Variants in PRKAR1B observed in about 807,000 individuals in gnomAD.
PRKAR1B encodes the protein protein kinase cAMP-dependent type I regulatory subunit beta.
PRKAR1B carries 22 observed loss-of-function variants against 46.5 expected under a neutral mutation model. The observed-to-expected ratio is 0.47, with a 90% CI of 0.34 to 0.68. PRKAR1B has a LOEUF of 0.68. Among genes scored for constraint, PRKAR1B ranks in the 30% least tolerant of loss-of-function variants. The probability of loss-of-function intolerance (pLI) is 0.01; values close to 1 mark genes in which losing one functional copy is unlikely to be tolerated. For missense variants in PRKAR1B, 445 were observed against 535.6 expected (o/e 0.83, Z 1.67); for synonymous variants, 259 against 217.7 (o/e 1.19, Z -1.67).
In PRKAR1B at chr7:725,070, T is replaced by G. The variant is rs184391387; in HGVS notation, c.-23+2140A>C. Among the ~76,000 whole-genome samples, 195 of 151,930 alleles carry G rather than the reference T, an allele frequency of 1.3e-3. 3 individuals are homozygous for G. The East Asian group carries it at 0.033, about 25-fold the overall frequency. On this transcript the variant is annotated intron_variant, in intron 1 of 10. Transcript: ENST00000537384. ...TCTACTAAAAATACAAAAAATTAGC[T>G]GGGCGTGGTCGTGGGCACCTGCAGT...
intron 1 of PRKAR1B, chr7:712,802 C>G (rs990799347): frequency 4.0e-5 from 6 of 151,444 alleles, no homozygotes; most frequent in African/African-American, 1.2e-4. Context: ...GGGCACCCCC[C>G]ACTCCCGCCC....
At chr7:700,667 T>A (rs1050120195) in intron 2 of PRKAR1B, among the ~76,000 whole-genome samples, 4 of 145,990 alleles carry the variant, frequency 2.7e-5, no homozygotes, top group East Asian at 2.0e-4. Flanking sequence ...CAAATTTATT[T>A]AAAAAAAAAA....
chr7:572,747 A>G (rs1302668142), intron 9 of PRKAR1B, among the ~76,000 whole-genome samples: 2 of 152,174 alleles, frequency 1.3e-5, no homozygotes, highest in Non-Finnish European at 2.9e-5. Flanking sequence ...GGTGGAGGGT[A>G]GGCGGGAGGA....
At chr7:626,008 C>CAAAA (rs71016892) in intron 4 of PRKAR1B, among the ~76,000 whole-genome samples, 2 of 110,544 alleles carry the variant, frequency 1.8e-5, no homozygotes, top group Non-Finnish European at 3.7e-5. Flanking sequence ...AACTCCATCT[C>CAAAA]AAAAAAAAAA....
rs1431535923 is a variant in PRKAR1B at position 711,469 on chromosome 7, C to T, written c.37G>A (p.Glu13Lys). The T allele has an allele frequency of 1.2e-6, 2 of 1,614,126 alleles. No individual in the cohort carries two copies. The highest frequency in any genetic ancestry group is 1.3e-5 in the African/African-American group (1 of 75,060). The change falls in exon 2 of 11, where the codon GAG becomes AAG. Residue 13 changes from glutamate to lysine, a missense_variant. Transcript: ENST00000537384. Reference protein sequence around the residue: ...SPPACPSEEDESLKGCELYVQ... With the variant: ...SPPACPSEEDKSLKGCELYVQ... ...TACAGCTCACAGCCCTTCAGGCTCT[C>T]GTCCTCCTCCGAGGGGCAGGCGGGC...
At chr7:696,888 AG>A (rs1013470454) in intron 2 of PRKAR1B, 2 of 152,484 alleles carry the variant, frequency 1.3e-5, no homozygotes, top group African/African-American at 4.8e-5. Flanking sequence ...GCCCCTCCCC[AG>A]GGCTGCATGG....
intron 4 of PRKAR1B, among the ~76,000 whole-genome samples, chr7:637,929 A>G (rs1459833981): frequency 6.6e-6 from 1 of 152,224 alleles, no homozygotes; most frequent in Non-Finnish European, 1.5e-5. Flanking sequence ...CATGGGGGGC[A>G]GCTCCGTGTG....
intron 1 of PRKAR1B, among the ~76,000 whole-genome samples, chr7:723,238 C>T (rs1169515637): frequency 6.6e-6 from 1 of 152,234 alleles, no homozygotes; most frequent in Non-Finnish European, 1.5e-5. Flanking sequence ...GCTTTAAAAT[C>T]GGCCCTGAAA....
chr7:562,774 G>C (rs1778882566), intron 9 of PRKAR1B, among the ~76,000 whole-genome samples: 1 of 152,146 alleles, frequency 6.6e-6, no homozygotes, highest in Non-Finnish European at 1.5e-5. Context: ...TTCCTCCCTG[G>C]ATCTTCTTTG....
In PRKAR1B at chr7:588,537, ATGG is replaced by A. The variant is rs754877528; in HGVS notation, c.709-3972_709-3970del. Among the ~76,000 whole-genome samples the A allele has an allele frequency of 3.9e-3, 205 of 52,638 alleles. 33 individuals carry two copies. The highest frequency in any genetic ancestry group is 8.1e-3 in the African/African-American group (119 of 14,730). The allele number at this position is 52,638 out of a possible 152,430, so 34.5% of individuals were successfully genotyped here. A position where few individuals can be genotyped will look rare whatever the true frequency, so the allele number is the denominator to read the frequency against. Reference sequence around the variant, plus strand: ...CACGATGATGGTGGTGACGGTGGTGATGGTGGTGACGGTGGTGATGGTGGTGAT... The same window carrying A: ...CACGATGATGGTGGTGACGGTGGTGATGGTGACGGTGGTGATGGTGGTGAT... On this transcript the variant is annotated intron_variant, in intron 7 of 10. Coordinates refer to ENST00000537384, the MANE Select transcript of PRKAR1B (RefSeq NM_001164760.2).
At chr7:670,552 G>T (rs1046157564) in intron 4 of PRKAR1B, among the ~76,000 whole-genome samples, 1 of 150,426 alleles carries the variant, frequency 6.6e-6, no homozygotes, top group Non-Finnish European at 1.5e-5. Flanking sequence ...GCATCCAGCA[G>T]AGGGGCTCAG....
chr7:639,229 G>C (rs1784271566), intron 4 of PRKAR1B, among the ~76,000 whole-genome samples: 1 of 152,176 alleles, frequency 6.6e-6, no homozygotes. Context: ...AATCAAGACG[G>C]TGGTGGTATT....
chr7:656,738 T>G (rs1387623238), intron 4 of PRKAR1B, among the ~76,000 whole-genome samples: 1 of 152,182 alleles, frequency 6.6e-6, no homozygotes, highest in African/African-American at 2.4e-5. Flanking sequence ...GATGTGTAAA[T>G]GCATGGATGG....
intron 1 of PRKAR1B, 61 bp downstream of exon 1, chr7:727,149 G>A: frequency 7.9e-7 from 1 of 1,262,788 alleles, no homozygotes; most frequent in South Asian, 2.2e-5. Context: ...AGCTGCGCCT[G>A]GCGCTTGTGC....
intron 9 of PRKAR1B, among the ~76,000 whole-genome samples, chr7:562,169 G>A (rs1039106281): frequency 1.3e-5 from 2 of 152,210 alleles, no homozygotes; most frequent in African/African-American, 4.8e-5. Context: ...CCGGCCATCT[G>A]TGTGGGAGTC....
chr7:597,228 T>A (rs189216896), intron 6 of PRKAR1B, among the ~76,000 whole-genome samples: 1 of 152,384 alleles, frequency 6.6e-6, no homozygotes, highest in East Asian at 1.9e-4. Flanking sequence ...CAATGAATCA[T>A]GGAATCAATT....
At chr7:703,407 G>C (rs148999394) in intron 2 of PRKAR1B, among the ~76,000 whole-genome samples, 2,291 of 152,258 alleles carry the variant, frequency 0.015, 61 homozygotes, top group African/African-American at 0.052. Context: ...ACCACTTTGG[G>C]AGGTTGAGGT....
intron 4 of PRKAR1B, among the ~76,000 whole-genome samples, chr7:669,763 C>CA (rs1459001708): frequency 2.0e-5 from 3 of 146,636 alleles, no homozygotes; most frequent in Non-Finnish European, 3.0e-5. Context: ...GACTCCATCT[C>CA]AAAAAAAAAG....
intron 9 of PRKAR1B, among the ~76,000 whole-genome samples, chr7:576,547 T>C (rs1279988521): frequency 6.6e-6 from 1 of 152,126 alleles, no homozygotes; most frequent in Non-Finnish European, 1.5e-5. Flanking sequence ...CAATGAGCAT[T>C]CTGGGACGTG....
Sources: gnomAD v4.1 joint callset for allele counts (sites outside exome capture counted in the v4.1 genomes callset) on GRCh38, gnomAD v4.1.1 for gene constraint, MANE v1.5 for transcripts, NCBI Gene and HGNC (gene_info 2026-07-23, HGNC 2026-07-21) for gene names.